The following LIN54 variants were observed in gnomAD, a reference collection of about 807,000 sequenced individuals.
The protein encoded by LIN54 is protein lin-54 homolog.
In LIN54, 9 loss-of-function variants were observed where a neutral mutation model predicts 78.7. The observed-to-expected ratio is 0.11, with a 90% CI of 0.07 to 0.20. The LOEUF (loss-of-function observed/expected upper bound fraction) is 0.20, where lower values mean the gene tolerates loss of function less well. LIN54 is among the 10% of genes least tolerant of loss of function. LIN54 has a pLI of 1.00. For synonymous variants in LIN54, 269 were observed against 318.4 expected, an observed-to-expected ratio of 0.84 and a Z score of 1.65; for missense variants, 573 against 889.9, an observed-to-expected ratio of 0.64 and a Z score of 4.53.
chr4:82,975,699 C>A, intron 3 of LIN54, among the ~76,000 whole-genome samples: 1 of 148,606 alleles, frequency 6.7e-6, no homozygotes, highest in African/African-American at 2.5e-5. Flanking sequence ...GCAAAAAGAG[C>A]GAAAACTCCA....
chr4:83,012,254 C>T (rs1331479820), upstream of LIN54, among the ~76,000 whole-genome samples: 1 of 152,166 alleles, frequency 6.6e-6, no homozygotes, highest in Non-Finnish European at 1.5e-5. Flanking sequence ...GCTCCCTTCC[C>T]CCGTGCACCT....
rs1721358729 is a variant in LIN54, at chr4:82,925,067, G to A, written c.*3035C>T. 1 of 152,518 alleles carries A rather than the reference G, an allele frequency of 6.6e-6. No individual in the cohort carries two copies. 9.4% of individuals were successfully genotyped at this position (152,518 alleles called of 1,614,324 possible). A position where few individuals can be genotyped will look rare whatever the true frequency, so the allele number is the denominator to read the frequency against. The stretch of plus-strand genomic sequence containing the variant: ...GGAACTAATCACTCTGTTTGCTTTT[G>A]TACCTGTAACATTAAGGTTCTGTTT... On this transcript the variant is annotated 3_prime_UTR_variant, in exon 13 of 13. Coordinates refer to ENST00000340417, the MANE Select transcript of LIN54 (RefSeq NM_194282.4).
intron 12 of LIN54, among the ~76,000 whole-genome samples, chr4:82,928,766 G>A (rs1721696648): frequency 6.6e-6 from 1 of 152,052 alleles, no homozygotes; most frequent in South Asian, 2.1e-4. Flanking sequence ...CTATCTCTTC[G>A]GCAAAATGAA....
chr4:82,964,465 A>G (rs978171781), intron 4 of LIN54, among the ~76,000 whole-genome samples: 2 of 152,304 alleles, frequency 1.3e-5, no homozygotes, highest in African/African-American at 4.8e-5. Flanking sequence ...AAAGTTTGAT[A>G]TATTTTTCTC....
intron 1 of LIN54, among the ~76,000 whole-genome samples, chr4:82,996,204 T>C (rs769612536): frequency 1.3e-5 from 2 of 151,980 alleles, no homozygotes; most frequent in Admixed American, 6.6e-5. Flanking sequence ...TGCTATTTTA[T>C]CTCTTAGGAA....
At chr4:83,008,719 C>A (rs754574383) in intron 1 of LIN54, among the ~76,000 whole-genome samples, 1 of 152,078 alleles carries the variant, frequency 6.6e-6, no homozygotes, top group Non-Finnish European at 1.5e-5. Flanking sequence ...ACTCTTCCCC[C>A]AAAAAATGAA....
At chr4:82,941,174 A>C (rs1439996798) in intron 5 of LIN54, among the ~76,000 whole-genome samples, 2 of 143,058 alleles carry the variant, frequency 1.4e-5, no homozygotes, top group Non-Finnish European at 3.1e-5. Flanking sequence ...ATATATATAT[A>C]TCGTTGGCAG....
At position 83,004,413 on chromosome 4, in the gene LIN54, A is replaced by G. The variant is rs918163256; in HGVS notation, c.-33+6071T>C. Among the ~76,000 whole-genome samples the G allele has an allele frequency of 2.1e-4, 31 of 149,850 alleles. 1 individual carries two copies. Among genetic ancestry groups the G allele is most frequent in the Admixed American group, 9.3e-4 (14 of 15,114 alleles). ...GACTCCGTTGCAAAAAAAAAAAAAA[A>G]AAAGAAAGAAAGAAAGAAAAAGAAA... On this transcript the variant is annotated intron_variant, in intron 1 of 12. Transcript: ENST00000340417.
At chr4:82,936,189 T>C (rs1341039435) in intron 10 of LIN54, 71 bp from the exon 11 acceptor site, 6 of 1,568,204 alleles carry the variant, frequency 3.8e-6, no homozygotes, top group South Asian at 3.3e-5. Context: ...GCAAAAGGAA[T>C]TGATAACGTT....
chr4:83,004,314 G>A (rs1729114115), intron 1 of LIN54, among the ~76,000 whole-genome samples: 1 of 148,962 alleles, frequency 6.7e-6, no homozygotes, highest in Non-Finnish European at 1.5e-5. Context: ...CAGGAAAATC[G>A]CTTGAACCTG....
chr4:82,939,105 A>T (rs1226708978), intron 7 of LIN54, among the ~76,000 whole-genome samples: 2 of 152,244 alleles, frequency 1.3e-5, no homozygotes, highest in African/African-American at 4.8e-5. Context: ...AGATCGCTGA[A>T]GATATGTCAC....
intron 1 of LIN54, among the ~76,000 whole-genome samples, chr4:83,002,208 A>T (rs1728905411): frequency 6.6e-6 from 1 of 151,894 alleles, no homozygotes; most frequent in African/African-American, 2.4e-5. Context: ...AAGCTAAAGC[A>T]AACAGTGAAA....
rs147366201 is a variant in LIN54, at chr4:82,938,383, A to G, written c.1532+30T>C. 3.0e-5 allele frequency: 37 copies of G among 1,226,774 alleles called. No individual in the cohort carries two copies. In the East Asian group the frequency reaches 8.1e-4, roughly 27 times the overall value. 76.0% of individuals were successfully genotyped at this position (1,226,774 alleles called of 1,614,324 possible). On this transcript the variant is annotated intron_variant, in intron 8 of 12. Transcript: ENST00000340417. ...ACTGTTGCATTTAAGCTGATCTAACAACTTATGTACCTATTTTCAAAATAC... is the reference window on the plus strand; with the variant it reads ...ACTGTTGCATTTAAGCTGATCTAACGACTTATGTACCTATTTTCAAAATAC...
intron 4 of LIN54, among the ~76,000 whole-genome samples, chr4:82,953,064 G>C (rs1023366269): frequency 2.0e-5 from 3 of 152,184 alleles, no homozygotes; most frequent in African/African-American, 7.2e-5. Context: ...GCGAGGCAGC[G>C]ATTGCTGCCT....
intron 3 of LIN54, among the ~76,000 whole-genome samples, chr4:82,974,881 G>A (rs1375479781): frequency 4.7e-5 from 7 of 150,184 alleles, no homozygotes; most frequent in African/African-American, 7.3e-5. Flanking sequence ...AAGCAAAAAC[G>A]TAGATACAAA....
chr4:82,999,658 G>A (rs1270666699), intron 1 of LIN54, among the ~76,000 whole-genome samples: 1 of 151,316 alleles, frequency 6.6e-6, no homozygotes, highest in East Asian at 2.0e-4. Context: ...CACGCCTGTG[G>A]TCCCAGCTAC....
intron 4 of LIN54, among the ~76,000 whole-genome samples, chr4:82,957,964 C>G (rs1012461865): frequency 1.3e-5 from 2 of 152,170 alleles, no homozygotes; most frequent in Non-Finnish European, 2.9e-5. Context: ...TTCCTCTTTC[C>G]TCTGCACTTT....
intron 4 of LIN54, among the ~76,000 whole-genome samples, chr4:82,969,427 C>T (rs538862724): frequency 6.6e-6 from 1 of 152,196 alleles, no homozygotes; most frequent in Non-Finnish European, 1.5e-5. Flanking sequence ...CTATGCATGG[C>T]ACAGTTACCC....
At chr4:82,962,744 TAATC>T (rs1390358352) in intron 4 of LIN54, among the ~76,000 whole-genome samples, 1 of 149,788 alleles carries the variant, frequency 6.7e-6, no homozygotes. Context: ...ACTGAGAAAA[TAATC>T]AATAAATTTA....
Sources: allele counts gnomAD v4.1 joint callset (sites outside exome capture counted in the v4.1 genomes callset), GRCh38; gene constraint gnomAD v4.1.1; transcripts MANE v1.5; gene names NCBI Gene and HGNC (gene_info 2026-07-23, HGNC 2026-07-21).